The following VPS13B variants were observed in gnomAD, a reference collection of about 807,000 sequenced individuals.
The protein encoded by VPS13B is intermembrane lipid transfer protein VPS13B.
A neutral mutation model predicts 426.4 loss-of-function variants in VPS13B; 285 were observed. The ratio of observed to expected loss-of-function variants is 0.67; its 90% CI spans 0.61 to 0.74. The LOEUF (loss-of-function observed/expected upper bound fraction) is 0.74, where lower values mean the gene tolerates loss of function less well. Among genes scored for constraint, VPS13B ranks in the 30% least tolerant of loss-of-function variants. The pLI is 0.00. For synonymous variants in VPS13B, 1,676 were observed against 1,676.4 expected, an observed-to-expected ratio of 1.00 and a Z score of 0.01; for missense variants, 4,537 against 4,782.6, an observed-to-expected ratio of 0.95 and a Z score of 1.51.
chr8:99,511,351 A>G lies in VPS13B; in HGVS notation c.4472A>G (p.Gln1491Arg). Reference sequence around the variant, plus strand: ...CTTAATGCCATTGCAAGTATATTTCAAGCAAAACTACCAAAGACCCAAAAA... The same window carrying G: ...CTTAATGCCATTGCAAGTATATTTCGAGCAAAACTACCAAAGACCCAAAAA... ...PLLNAIASIFQAKLPKTQKEK... is the reference protein window; with the variant it reads ...PLLNAIASIFRAKLPKTQKEK... The change falls in exon 29 of 62, where the codon CAA becomes CGA. Residue 1491 changes from glutamine to arginine, a missense_variant. Around this residue, in one of 2 missense-constraint regions of VPS13B, gnomAD observed 4,311 missense variants for 4,474.3 expected, o/e 0.96. Transcript: ENST00000357162. 2 of 1,613,962 alleles carry G rather than the reference A, an allele frequency of 1.2e-6. No individual in the cohort carries two copies. The highest frequency in any genetic ancestry group is 1.7e-6 in the Non-Finnish European group (2 of 1,179,988).
At chr8:99,061,157 A>T (rs1024737994) in intron 3 of VPS13B, among the ~76,000 whole-genome samples, 1 of 152,202 alleles carries the variant, frequency 6.6e-6, no homozygotes, top group Non-Finnish European at 1.5e-5. Context: ...TAAAGACATA[A>T]GGAACACAGA....
chr8:99,184,175 G>A (rs1023205808), intron 16 of VPS13B, among the ~76,000 whole-genome samples: 9 of 152,150 alleles, frequency 5.9e-5, no homozygotes, highest in Non-Finnish European at 5.9e-5. Context: ...TATGAATAAT[G>A]CTGCCATGAA....
rs550845912 is a variant in VPS13B at position 99,637,447 on chromosome 8, A to G, written c.5221-4364A>G. On this transcript the variant is annotated intron_variant, in intron 33 of 61. Coordinates refer to ENST00000357162, the MANE Select transcript of VPS13B (RefSeq NM_152564.5). ...AGTTGTACTTTTTCTTTTCCTTCCA[A>G]TGAAAGCCAGAGTCTTTCATCTCTA... Among the ~76,000 whole-genome samples, 9 of 152,182 alleles carry G rather than the reference A, an allele frequency of 5.9e-5. No individual in the cohort carries two copies. The East Asian group carries it at 1.2e-3, about 20-fold the overall frequency.
intron 33 of VPS13B, among the ~76,000 whole-genome samples, chr8:99,598,306 A>G (rs964169033): frequency 6.6e-6 from 1 of 152,082 alleles, no homozygotes; most frequent in African/African-American, 2.4e-5. Context: ...CTGTTGTATT[A>G]TAATGAGGAC....
chr8:99,866,450 C>T (rs1205302876), intron 58 of VPS13B, among the ~76,000 whole-genome samples: 3 of 152,240 alleles, frequency 2.0e-5, no homozygotes, highest in Non-Finnish European at 4.4e-5. Flanking sequence ...CTGCTGAGCC[C>T]AGGGCAGGTG....
At chr8:99,179,231 G>C (rs1019899722) in intron 16 of VPS13B, among the ~76,000 whole-genome samples, 8 of 152,118 alleles carry the variant, frequency 5.3e-5, no homozygotes, top group African/African-American at 1.7e-4. Context: ...ATTTAGACAG[G>C]TGTTCTTAAA....
Position 99,474,183 on chromosome 8 carries a change from A to ATTTTTTTTTTTTTTT in VPS13B, c.3666+6555_3666+6569dup, listed in dbSNP as rs34752686. Among the ~76,000 whole-genome samples, 325 of 124,914 alleles carry ATTTTTTTTTTTTTTT rather than the reference A, an allele frequency of 2.6e-3. 14 individuals carry two copies. The highest frequency in any genetic ancestry group is 9.4e-3 in the African/African-American group (289 of 30,710). 81.9% of individuals were successfully genotyped at this position (124,914 alleles called of 152,430 possible). On this transcript the variant is annotated intron_variant, in intron 24 of 61. Transcript: ENST00000357162. ...TCTTCAAACAATGGACTGTTATCCA[A>ATTTTTTTTTTTTTTT]TTTTTTTTTTTTTTTTTTTTGTGGA...
chr8:99,341,117 A>T (rs1378837731), intron 19 of VPS13B: 8 of 272,762 alleles, frequency 2.9e-5, no homozygotes. Flanking sequence ...AAAGGTCAGC[A>T]TTCTTTTCTG....
intron 30 of VPS13B, among the ~76,000 whole-genome samples, chr8:99,545,678 C>A (rs1823931632): frequency 6.6e-6 from 1 of 151,934 alleles, no homozygotes; most frequent in South Asian, 2.1e-4. Context: ...GGCTCTCTGG[C>A]AAACAGCCTT....
chr8:99,292,373 C>A (rs1450378007), intron 19 of VPS13B, among the ~76,000 whole-genome samples: 1 of 152,060 alleles, frequency 6.6e-6, no homozygotes, highest in African/African-American at 2.4e-5. Flanking sequence ...CTTTGAAATC[C>A]TGGGAAAATA....
At chr8:99,191,376 CTTTTTTTTTT>C (rs35215814) in intron 16 of VPS13B, among the ~76,000 whole-genome samples, 4 of 70,922 alleles carry the variant, frequency 5.6e-5, no homozygotes, top group Non-Finnish European at 7.9e-5. Flanking sequence ...CTCTCTCTCT[CTTTTTTTTTT>C]TTTTTTTTTT....
At chr8:99,085,297 AT>A (rs1845713374) in intron 3 of VPS13B, among the ~76,000 whole-genome samples, 1 of 151,460 alleles carries the variant, frequency 6.6e-6, no homozygotes, top group East Asian at 1.9e-4. Flanking sequence ...TTTGTTTTCC[AT>A]TTGCTTGGTA....
intron 44 of VPS13B, among the ~76,000 whole-genome samples, chr8:99,814,079 G>A (rs1010742040): frequency 6.6e-6 from 1 of 152,236 alleles, no homozygotes; most frequent in Non-Finnish European, 1.5e-5. Context: ...GTTCAAGGCT[G>A]CAGTGAGCTG....
chr8:99,776,225 T>C (rs533701543), intron 40 of VPS13B, among the ~76,000 whole-genome samples: 1 of 152,284 alleles, frequency 6.6e-6, no homozygotes, highest in East Asian at 1.9e-4. Context: ...AAATGGCCCG[T>C]AAGTTTTGTG....
intron 33 of VPS13B, among the ~76,000 whole-genome samples, chr8:99,607,651 A>G (rs975075814): frequency 4.6e-5 from 7 of 152,190 alleles, no homozygotes; most frequent in Non-Finnish European, 8.8e-5. Flanking sequence ...ATGGTTCTCA[A>G]ATTGTTTAGT....
chr8:99,216,929 A>G (rs1376076737), intron 17 of VPS13B, among the ~76,000 whole-genome samples: 2 of 152,098 alleles, frequency 1.3e-5, no homozygotes, highest in South Asian at 2.1e-4. Context: ...TTGATGTTTT[A>G]CCTTAGTGTG....
At chr8:99,605,982 G>A (rs573115489) in intron 33 of VPS13B, among the ~76,000 whole-genome samples, 1 of 152,196 alleles carries the variant, frequency 6.6e-6, no homozygotes, top group South Asian at 2.1e-4. Context: ...TACAACCTCT[G>A]CCTCCCAGAT....
intron 15 of VPS13B, among the ~76,000 whole-genome samples, chr8:99,157,922 A>C (rs1318212908): frequency 6.6e-6 from 1 of 152,198 alleles, no homozygotes; most frequent in Non-Finnish European, 1.5e-5. Context: ...TATTCCCTTA[A>C]ATGAAAAGCA....
chr8:99,195,119 A>G (rs915609674), intron 17 of VPS13B, among the ~76,000 whole-genome samples: 4 of 152,190 alleles, frequency 2.6e-5, no homozygotes, highest in African/African-American at 7.2e-5. Context: ...TGCTGGGATT[A>G]TAGGCGTGAA....
Sources: gnomAD v4.1 joint callset for allele counts (sites outside exome capture counted in the v4.1 genomes callset) on GRCh38, gnomAD v4.1.1 for gene constraint, gnomAD v4.1.1 regional missense constraint, MANE v1.5 for transcripts, NCBI Gene and HGNC (gene_info 2026-07-23, HGNC 2026-07-21) for gene names.